PKNOX2: variants seen among roughly 807,000 people sequenced by gnomAD.
PKNOX2 encodes the protein PBX/knotted 1 homeobox 2, also known as homeobox protein PKNOX2.
In PKNOX2, 14 loss-of-function variants were observed where a neutral mutation model predicts 53.1. The observed-to-expected ratio is 0.26, with a 90% CI of 0.17 to 0.41. The LOEUF (loss-of-function observed/expected upper bound fraction) is 0.41. Among genes scored for constraint, PKNOX2 ranks in the 10% least tolerant of loss-of-function variants. The pLI is 1.00. For synonymous variants in PKNOX2, 257 were observed against 242.8 expected, an observed-to-expected ratio of 1.06 and a Z score of -0.54; for missense variants, 496 against 602.8, an observed-to-expected ratio of 0.82 and a Z score of 1.85.
chr11:125,306,010 T>C (rs1020351764), intron 2 of PKNOX2, among the ~76,000 whole-genome samples: 2 of 152,188 alleles, frequency 1.3e-5, no homozygotes, highest in Non-Finnish European at 2.9e-5. Flanking sequence ...CCTTTTTTTT[T>C]CTTTAATGGC....
intron 6 of PKNOX2, 143 bp from the exon 7 acceptor site, chr11:125,397,731 C>T (rs1476955384): frequency 2.4e-6 from 2 of 820,190 alleles, no homozygotes; most frequent in South Asian, 1.7e-5. Flanking sequence ...ACTTCTGGGC[C>T]TTTTGGCCAA....
intron 12 of PKNOX2, 74 bp downstream of exon 12, chr11:125,430,215 C>G: frequency 6.6e-7 from 1 of 1,522,280 alleles, no homozygotes; most frequent in African/African-American, 1.4e-5. Flanking sequence ...TCAAGCCGTG[C>G]AAAGATTCAA....
At chr11:125,200,066 G>C (rs1447343403) in intron 1 of PKNOX2, among the ~76,000 whole-genome samples, 1 of 152,124 alleles carries the variant, frequency 6.6e-6, no homozygotes, top group Admixed American at 6.5e-5. Flanking sequence ...GACACCAGTG[G>C]CCTCTTAGGG....
chr11:125,328,155 C>G (rs1190305178), intron 2 of PKNOX2, among the ~76,000 whole-genome samples: 1 of 152,192 alleles, frequency 6.6e-6, no homozygotes, highest in African/African-American at 2.4e-5. Flanking sequence ...ACCAGGCAGG[C>G]AGGGCTTCCT....
intron 5 of PKNOX2, 100 bp downstream of exon 5, chr11:125,368,085 G>A: frequency 7.1e-7 from 1 of 1,416,070 alleles, no homozygotes; most frequent in Non-Finnish European, 9.4e-7. Flanking sequence ...GCTCGGCAGA[G>A]ATGACGGCCA....
intron 1 of PKNOX2, among the ~76,000 whole-genome samples, chr11:125,170,457 T>G (rs1383477711): frequency 6.6e-6 from 1 of 152,126 alleles, no homozygotes; most frequent in East Asian, 1.9e-4. Context: ...GGCACAGTCT[T>G]TCTACCTGAA....
intron 10 of PKNOX2, among the ~76,000 whole-genome samples, chr11:125,415,418 T>C (rs545859336): frequency 1.3e-5 from 2 of 152,168 alleles, no homozygotes; most frequent in South Asian, 4.2e-4. Flanking sequence ...GCTTGGCTAA[T>C]TTTTATATTT....
In PKNOX2 at chr11:125,183,198, CTTTTTTTTTTTTTT is replaced by C. The variant is rs10676031; in HGVS notation, c.-201+18438_-201+18451del. On this transcript the variant is annotated intron_variant, in intron 1 of 12. Coordinates refer to ENST00000298282, the MANE Select transcript of PKNOX2 (RefSeq NM_001382323.2). ...TGGTGGCTGTAGCATGCGATGAATC[CTTTTTTTTTTTTTT>C]TTTTTTTTTTTTTTTGAGACGGAGT... 4.9e-3 allele frequency among the ~76,000 whole-genome samples: 419 copies of C among 85,822 alleles called. 65 individuals are homozygous for C. Among genetic ancestry groups the C allele is most frequent in the Non-Finnish European group, 6.4e-3 (286 of 44,572 alleles). The allele number at this position is 85,822 out of a possible 152,430, so 56.3% of individuals were successfully genotyped here. A position where few individuals can be genotyped will look rare whatever the true frequency, so the allele number is the denominator to read the frequency against.
chr11:125,428,882 TC>T lies in PKNOX2; in HGVS notation c.937-126del, dbSNP rs946207954. ...CTCTGTGGGGAGCAAACATGACACT[TC>T]CCCAATTTTGGTTCCCAAACCACTC... On this transcript the variant is annotated intron_variant, in intron 10 of 12. Coordinates refer to ENST00000298282, the MANE Select transcript of PKNOX2 (RefSeq NM_001382323.2). 12 of 851,596 alleles carry T rather than the reference TC, an allele frequency of 1.4e-5. No individual in the cohort carries two copies. The Admixed American group carries it at 2.5e-4, about 18-fold the overall frequency. The allele number at this position is 851,596 out of a possible 1,614,324, so 52.8% of individuals were successfully genotyped here. A position where few individuals can be genotyped will look rare whatever the true frequency, so the allele number is the denominator to read the frequency against.
At chr11:125,397,495 C>T (rs1415932916) in intron 6 of PKNOX2, among the ~76,000 whole-genome samples, 1 of 152,192 alleles carries the variant, frequency 6.6e-6, no homozygotes, top group Non-Finnish European at 1.5e-5. Context: ...ATTTGTTAGC[C>T]ACTAAGGCAC....
chr11:125,326,644 C>T (rs917548579), intron 2 of PKNOX2, among the ~76,000 whole-genome samples: 2 of 152,154 alleles, frequency 1.3e-5, no homozygotes, highest in Non-Finnish European at 2.9e-5. Context: ...AGCCTCATTG[C>T]CTTGGTGAAA....
chr11:125,377,656 G>A (rs990458355), intron 5 of PKNOX2, among the ~76,000 whole-genome samples: 4 of 152,216 alleles, frequency 2.6e-5, no homozygotes, highest in African/African-American at 9.7e-5. Context: ...TTACAGGGTT[G>A]TCCAATCTTT....
At chr11:125,378,072 AG>A (rs1952949500) in intron 5 of PKNOX2, among the ~76,000 whole-genome samples, 2 of 152,204 alleles carry the variant, frequency 1.3e-5, no homozygotes, top group African/African-American at 4.8e-5. Flanking sequence ...GGAAGGGGTT[AG>A]GGGTCTGTTT....
In PKNOX2 at chr11:125,370,577, C is replaced by T. The variant is rs1952471332; in HGVS notation, c.227+2592C>T. On this transcript the variant is annotated intron_variant, in intron 5 of 12. Transcript: ENST00000298282. This position sits in a 1 kb window ranked among gnomAD's most constrained non-coding sequence, Gnocchi z 4.1. Reference sequence around the variant, plus strand: ...GGAATCCCAGGCAAACGCGGCTGCCCCAGCACCTCAGGACACCGAGCTGAC... The same window carrying T: ...GGAATCCCAGGCAAACGCGGCTGCCTCAGCACCTCAGGACACCGAGCTGAC... Among the ~76,000 whole-genome samples the T allele has an allele frequency of 6.6e-6, 1 of 152,244 alleles. No individual in the cohort carries two copies. Among genetic ancestry groups the T allele is most frequent in the Admixed American group, 6.5e-5 (1 of 15,294 alleles).
chr11:125,167,304 A>G (rs1954960089), intron 1 of PKNOX2, among the ~76,000 whole-genome samples: 1 of 152,190 alleles, frequency 6.6e-6, no homozygotes, highest in Non-Finnish European at 1.5e-5. Flanking sequence ...AGGGAGAGCC[A>G]GACAGCCCTT....
intron 3 of PKNOX2, among the ~76,000 whole-genome samples, chr11:125,342,282 C>T (rs947387755): frequency 5.3e-5 from 8 of 152,132 alleles, no homozygotes; most frequent in African/African-American, 1.4e-4. Context: ...TTTAGCTCCG[C>T]TGGCTCCAGG....
chr11:125,340,422 C>T (rs1388542403), intron 3 of PKNOX2, among the ~76,000 whole-genome samples: 2 of 152,198 alleles, frequency 1.3e-5, no homozygotes, highest in African/African-American at 2.4e-5. Context: ...CACCCTGAGA[C>T]TTCCAGTTAA....
Position 125,428,994 on chromosome 11 carries a change from C to G in PKNOX2, c.937-18C>G, listed in dbSNP as rs11220070. 117,859 of 1,606,780 alleles carry G rather than the reference C, an allele frequency of 0.073. 4,749 individuals carry two copies. Among genetic ancestry groups the G allele is most frequent in the Middle Eastern group, 0.12 (747 of 6,044 alleles). On this transcript the variant is annotated intron_variant, in intron 10 of 12. Coordinates refer to ENST00000298282, the MANE Select transcript of PKNOX2 (RefSeq NM_001382323.2). The stretch of plus-strand genomic sequence containing the variant: ...CAGCATATGCCCAGCCCTCACTAGT[C>G]TCCACCTCTCGTTTCAGCACCCCTA...
At chr11:125,357,791 T>A (rs1035646045) in intron 4 of PKNOX2, among the ~76,000 whole-genome samples, 2 of 152,126 alleles carry the variant, frequency 1.3e-5, no homozygotes, top group Non-Finnish European at 2.9e-5. Flanking sequence ...AATTCAGCAA[T>A]CAGGACTTGT....
Sources: gnomAD v4.1 joint callset for allele counts (sites outside exome capture counted in the v4.1 genomes callset) on GRCh38, gnomAD v4.1.1 for gene constraint, Gnocchi (gnomAD v3.1) non-coding constraint, MANE v1.5 for transcripts, NCBI Gene and HGNC (gene_info 2026-07-23, HGNC 2026-07-21) for gene names.